The following FOXP4 variants were observed in gnomAD, a reference collection of about 807,000 sequenced individuals.
The protein encoded by FOXP4 is forkhead box P4.
FOXP4 carries 25 observed loss-of-function variants against 82.6 expected under a neutral mutation model. The observed-to-expected ratio is 0.30, with a 90% CI of 0.22 to 0.42. FOXP4 has a LOEUF of 0.42. Ranked by LOEUF, FOXP4 falls within the 10% of genes least tolerant of loss-of-function variation. The probability of loss-of-function intolerance (pLI) is 1.00; values close to 1 mark genes in which losing one functional copy is unlikely to be tolerated. For missense variants in FOXP4, 785 were observed against 900.9 expected, an observed-to-expected ratio of 0.87 and a Z score of 1.65; for synonymous variants, 415 against 388.2, an observed-to-expected ratio of 1.07 and a Z score of -0.81.
intron 1 of FOXP4, among the ~76,000 whole-genome samples, chr6:41,554,205 A>G (rs9381077): frequency 0.032 from 4,904 of 152,326 alleles, 275 homozygotes; most frequent in East Asian, 0.18. Flanking sequence ...GTCACAGTTA[A>G]CTGGAACTTG....
At chr6:41,556,187 C>T (rs1764265542) in intron 1 of FOXP4, among the ~76,000 whole-genome samples, 1 of 152,094 alleles carries the variant, frequency 6.6e-6, no homozygotes, top group Non-Finnish European at 1.5e-5. Context: ...GGCTCAGTCA[C>T]TTAGCAGTCA....
intron 1 of FOXP4, among the ~76,000 whole-genome samples, chr6:41,556,145 T>C (rs1176195695): frequency 6.6e-6 from 1 of 151,970 alleles, no homozygotes; most frequent in African/African-American, 2.4e-5. Context: ...AGCACTGGTT[T>C]AGGAGTCAGG....
At chr6:41,566,291 G>T (rs1357506224) in intron 2 of FOXP4, among the ~76,000 whole-genome samples, 2 of 152,192 alleles carry the variant, frequency 1.3e-5, no homozygotes, top group Admixed American at 1.3e-4. Context: ...GGATTGGTGG[G>T]CACTCCACTC....
At chr6:41,570,893 G>A (rs1562022765) in intron 2 of FOXP4, among the ~76,000 whole-genome samples, 2 of 152,268 alleles carry the variant, frequency 1.3e-5, no homozygotes, top group South Asian at 4.2e-4. Context: ...TCCCCTGGGG[G>A]AGCACCTTTA....
At chr6:41,565,248 T>C (rs1764806659) in intron 1 of FOXP4, among the ~76,000 whole-genome samples, 1 of 152,102 alleles carries the variant, frequency 6.6e-6, no homozygotes, top group South Asian at 2.1e-4. Flanking sequence ...TAATCCTAGC[T>C]ACTCAGGAGG....
At chr6:41,592,306 C>G (rs1186865456) in intron 13 of FOXP4, among the ~76,000 whole-genome samples, 5 of 152,164 alleles carry the variant, frequency 3.3e-5, no homozygotes, top group Non-Finnish European at 5.9e-5. Flanking sequence ...ACCCTTTGCC[C>G]TGGGATTATG....
intron 2 of FOXP4, among the ~76,000 whole-genome samples, chr6:41,573,210 C>G (rs2127365235): frequency 6.6e-6 from 1 of 152,320 alleles, no homozygotes; most frequent in South Asian, 2.1e-4. Flanking sequence ...AGCCCCGCAC[C>G]TGGCTTCCTG....
At chr6:41,597,151 A>G in intron 14 of FOXP4, 25 bp from the exon 15 acceptor site, 3 of 1,613,376 alleles carry the variant, frequency 1.9e-6, no homozygotes, top group Non-Finnish European at 1.7e-6. Flanking sequence ...TGAGTGAGCC[A>G]AAGATGGCCT....
In FOXP4 at chr6:41,565,898, G is replaced by A; in HGVS notation, c.138G>A (p.Val46=). ...GTTASGTGRE[V]TTGADSNGEM... Reference sequence around the variant, plus strand: ...CTGCAAGTGGCACGGGCAGGGAAGTGACCACGGGTGCAGACAGCAATGGTG... The same window carrying A: ...CTGCAAGTGGCACGGGCAGGGAAGTAACCACGGGTGCAGACAGCAATGGTG... The change falls in exon 2 of 17, where the codon GTG becomes GTA. Residue 46 remains valine (V), a synonymous_variant. Coordinates refer to ENST00000307972, the MANE Select transcript of FOXP4 (RefSeq NM_001012426.2). 6.2e-7 allele frequency: 1 copy of A among 1,614,030 alleles called. No homozygotes were observed. The highest frequency in any genetic ancestry group is 2.2e-5 in the East Asian group (1 of 44,872).
intron 2 of FOXP4, among the ~76,000 whole-genome samples, chr6:41,569,630 G>A (rs1765069931): frequency 6.6e-6 from 1 of 152,216 alleles, no homozygotes; most frequent in Non-Finnish European, 1.5e-5. Flanking sequence ...GGCCAGGAGG[G>A]CCGAGCTGGT....
At chr6:41,588,185 CCTGCT>C (rs911002579) in intron 8 of FOXP4, among the ~76,000 whole-genome samples, 2 of 152,220 alleles carry the variant, frequency 1.3e-5, no homozygotes, top group African/African-American at 4.8e-5. Flanking sequence ...CCCACCCTCC[CCTGCT>C]CCCCTCCAGC....
intron 1 of FOXP4, among the ~76,000 whole-genome samples, chr6:41,550,807 G>A (rs1763954607): frequency 6.6e-6 from 1 of 152,174 alleles, no homozygotes; most frequent in Non-Finnish European, 1.5e-5. Flanking sequence ...CACATAAATG[G>A]GAGAGAGAAT....
intron 15 of FOXP4, 118 bp downstream of exon 15, chr6:41,597,360 C>T (rs999473237): frequency 7.6e-6 from 8 of 1,055,842 alleles, no homozygotes; most frequent in Non-Finnish European, 9.9e-6. Context: ...AGGGTGAAGA[C>T]CCAAACTCTC....
rs557908902 is a variant in FOXP4, at chr6:41,585,740, TTGTCTC to T, written c.510+227_510+232del. ...TTCTTTCTCTCCTTGCCTCGTGTTG[TTGTCTC>T]TGTGCACATGGGTGTAGACAGGTGT... On this transcript the variant is annotated intron_variant, in intron 5 of 16. Transcript: ENST00000307972. 3.1e-3 allele frequency among the ~76,000 whole-genome samples: 469 copies of T among 152,208 alleles called. 2 individuals carry two copies. Among genetic ancestry groups the T allele is most frequent in the Non-Finnish European group, 5.6e-3 (379 of 67,982 alleles).
intron 5 of FOXP4, 118 bp from the exon 6 acceptor site, chr6:41,586,888 CACA>C (rs757241925): frequency 7.4e-4 from 1,057 of 1,427,498 alleles, no homozygotes; most frequent in Non-Finnish European, 9.3e-4. Flanking sequence ...CTGCAGACGC[CACA>C]ACGACAGCTC....
Position 41,601,318 on chromosome 6 carries a change from C to T in FOXP4, c.*2382C>T, listed in dbSNP as rs4714494. The T allele has an allele frequency of 7.7e-3, 1,181 of 152,916 alleles. 19 individuals are homozygous for T. Among genetic ancestry groups the T allele is most frequent in the South Asian group, 0.056 (273 of 4,840 alleles). The allele number at this position is 152,916 out of a possible 1,614,324, so 9.5% of individuals were successfully genotyped here. A position where few individuals can be genotyped will look rare whatever the true frequency, so the allele number is the denominator to read the frequency against. ...CAAGCTGCTAAGCCAAAGATGGCCC[C>T]TGACACCTCCCCCAGCCCCAGCACA... On this transcript the variant is annotated 3_prime_UTR_variant, in exon 17 of 17. Transcript: ENST00000307972.
intron 1 of FOXP4, among the ~76,000 whole-genome samples, chr6:41,562,187 A>G (rs1027905913): frequency 1.3e-5 from 2 of 152,182 alleles, no homozygotes; most frequent in Non-Finnish European, 2.9e-5. Context: ...GAATTCAGAA[A>G]GCACTTCGGA....
intron 1 of FOXP4, chr6:41,547,529 A>T (rs550589647): frequency 1.6e-4 from 25 of 152,462 alleles, no homozygotes; most frequent in African/African-American, 5.5e-4. Context: ...TGCCAGGGCC[A>T]GTCAGCCCCT....
chr6:41,588,742 G>A lies in FOXP4; in HGVS notation c.1065+11G>A. ...CAGCTGGAGATCCAGGTGTGGCCCG[G>A]AAGATGCTGGGGAGGGACATGGTGG... On this transcript the variant is annotated intron_variant, in intron 9 of 16. Coordinates refer to ENST00000307972, the MANE Select transcript of FOXP4 (RefSeq NM_001012426.2). The A allele has an allele frequency of 6.2e-7, 1 of 1,612,980 alleles. No individual in the cohort carries two copies. The highest frequency in any genetic ancestry group is 8.5e-7 in the Non-Finnish European group (1 of 1,179,980).
Sources: allele counts gnomAD v4.1 joint callset (sites outside exome capture counted in the v4.1 genomes callset), GRCh38; gene constraint gnomAD v4.1.1; transcripts MANE v1.5; gene names NCBI Gene and HGNC (gene_info 2026-07-23, HGNC 2026-07-21).